DGKI: variants seen among roughly 807,000 people sequenced by gnomAD.
DGKI encodes DAG kinase iota.
Under a neutral mutation model 147.5 loss-of-function variants are expected in DGKI, and 55 were observed. The ratio of observed to expected loss-of-function variants is 0.37; its 90% confidence interval spans 0.30 to 0.47. The LOEUF (loss-of-function observed/expected upper bound fraction) is 0.47, where lower values mean the gene tolerates loss of function less well. DGKI is among the 20% of genes least tolerant of loss of function. The probability of loss-of-function intolerance (pLI) is 1.00; values close to 1 mark genes in which losing one functional copy is unlikely to be tolerated. For synonymous variants in DGKI, 469 were observed against 477.1 expected (o/e 0.98, Z 0.22); for missense variants, 1,007 against 1,323.8 (o/e 0.76, Z 3.71).
chr7:137,413,842 C>T (rs1019709785), intron 28 of DGKI, among the ~76,000 whole-genome samples: 2 of 152,068 alleles, frequency 1.3e-5, no homozygotes, highest in Non-Finnish European at 2.9e-5. Context: ...GCTTTAAGTT[C>T]TTTGAGAAAT....
intron 27 of DGKI, among the ~76,000 whole-genome samples, chr7:137,459,845 T>C (rs1369614181): frequency 6.6e-6 from 1 of 152,170 alleles, no homozygotes; most frequent in Non-Finnish European, 1.5e-5. Context: ...ATTATCTTTA[T>C]CATTTTTCTC....
At chr7:137,645,150 G>A (rs1246735506) in intron 6 of DGKI, among the ~76,000 whole-genome samples, 1 of 152,186 alleles carries the variant, frequency 6.6e-6, no homozygotes, top group Admixed American at 6.5e-5. Flanking sequence ...TGCTGCGATT[G>A]GCCAAAGTAC....
At chr7:137,678,793 C>T (rs888144801) in intron 2 of DGKI, 141 bp from the exon 3 acceptor site, 3 of 715,700 alleles carry the variant, frequency 4.2e-6, no homozygotes, top group Admixed American at 2.7e-5. Flanking sequence ...AAAAGTACTG[C>T]TAGAGTTGAT....
At chr7:137,584,748 C>A (rs1436647420) in intron 14 of DGKI, among the ~76,000 whole-genome samples, 1 of 152,138 alleles carries the variant, frequency 6.6e-6, no homozygotes, top group Non-Finnish European at 1.5e-5. Flanking sequence ...ATTGAGGTAT[C>A]TTCAAGTCCC....
At chr7:137,397,439 C>A in intron 30 of DGKI, 26 bp from the exon 31 acceptor site, 1 of 1,607,652 alleles carries the variant, frequency 6.2e-7, no homozygotes, top group Non-Finnish European at 8.5e-7. Context: ...GCAAGATGAC[C>A]GTCAAAAATA....
intron 4 of DGKI, among the ~76,000 whole-genome samples, chr7:137,656,180 G>T (rs1822213333): frequency 6.6e-6 from 1 of 152,254 alleles, no homozygotes; most frequent in African/African-American, 2.4e-5. Context: ...CTTGAACTGA[G>T]ATGATATAAT....
chr7:137,717,958 A>G (rs1794430946), intron 1 of DGKI, among the ~76,000 whole-genome samples: 1 of 152,196 alleles, frequency 6.6e-6, no homozygotes, highest in South Asian at 2.1e-4. Context: ...AGGAGCTATC[A>G]TGAGACCTAT....
chr7:137,608,911 T>C, intron 10 of DGKI, 55 bp downstream of exon 10: 2 of 1,359,288 alleles, frequency 1.5e-6, no homozygotes, highest in Non-Finnish European at 2.1e-6. Flanking sequence ...GTGAGAGTTG[T>C]GTCGTCAAGA....
Position 137,384,035 on chromosome 7 carries a change from A to G in DGKI, c.*7185T>C, listed in dbSNP as rs766837252. ...TCTATGTATATGACTATGTATTATCATAACACTTAGCTTGCATACCCACCC... is the reference window on the plus strand; with the variant it reads ...TCTATGTATATGACTATGTATTATCGTAACACTTAGCTTGCATACCCACCC... On this transcript the variant is annotated 3_prime_UTR_variant, in exon 33 of 33. Transcript: ENST00000614521. 1 of 152,080 alleles carries G rather than the reference A, an allele frequency of 6.6e-6. No homozygotes were observed. Among genetic ancestry groups the G allele is most frequent in the Admixed American group, 6.6e-5 (1 of 15,232 alleles). 9.4% of individuals were successfully genotyped at this position (152,080 alleles called of 1,614,324 possible).
At chr7:137,604,367 TA>T (rs1820098881) in intron 10 of DGKI, among the ~76,000 whole-genome samples, 1 of 152,216 alleles carries the variant, frequency 6.6e-6, no homozygotes, top group Non-Finnish European at 1.5e-5. Flanking sequence ...TCCAATTATT[TA>T]GAAACAGTTT....
intron 1 of DGKI, among the ~76,000 whole-genome samples, chr7:137,798,566 T>A (rs1041493319): frequency 6.6e-6 from 1 of 152,076 alleles, no homozygotes; most frequent in Non-Finnish European, 1.5e-5. Context: ...GCCACAGGTG[T>A]GCACCATCAC....
At chr7:137,638,525 TACACAC>T (rs758902149) in intron 6 of DGKI, among the ~76,000 whole-genome samples, 5 of 105,684 alleles carry the variant, frequency 4.7e-5, no homozygotes, top group East Asian at 3.1e-4. Context: ...TGTATATATA[TACACAC>T]ACATATATGT....
intron 7 of DGKI, among the ~76,000 whole-genome samples, chr7:137,621,680 G>A (rs1266007840): frequency 6.6e-6 from 1 of 152,246 alleles, no homozygotes; most frequent in African/African-American, 2.4e-5. Flanking sequence ...ACTGACCAAA[G>A]CTCTACCACA....
chr7:137,774,644 G>A (rs759437725), intron 1 of DGKI: 5 of 152,140 alleles, frequency 3.3e-5, no homozygotes, highest in Non-Finnish European at 7.3e-5. Flanking sequence ...CACATTCTGA[G>A]TTGCTAGTAG....
intron 2 of DGKI, among the ~76,000 whole-genome samples, chr7:137,683,780 CT>C (rs1330276758): frequency 6.6e-6 from 1 of 152,084 alleles, no homozygotes; most frequent in Admixed American, 6.5e-5. Flanking sequence ...ACTCACAAGT[CT>C]GTATAGCTAT....
In DGKI at chr7:137,564,950, T is replaced by C. The variant is rs563698974; in HGVS notation, c.1947+6225A>G. 3.9e-5 allele frequency among the ~76,000 whole-genome samples: 6 copies of C among 152,342 alleles called. No homozygotes were observed. The South Asian group carries it at 1.2e-3, about 32-fold the overall frequency. ...GGCCCCAGGAACTCTGTCTACTAAA[T>C]CACTTCTCATCCAGGAACTCTATAT... is the stretch of plus-strand genomic sequence containing the variant. On this transcript the variant is annotated intron_variant, in intron 19 of 32. Transcript: ENST00000614521.
rs569257612 is a variant in DGKI at position 137,531,792 on chromosome 7, G to A, written c.2148-9826C>T. On this transcript the variant is annotated intron_variant, in intron 20 of 32. Transcript: ENST00000614521. ...GTGTGGATGAAGTGTTATGATTTGC[G>A]TATTTTAAAAATGTCATTTCACAGA... 3.0e-4 allele frequency among the ~76,000 whole-genome samples: 46 copies of A among 152,240 alleles called. 1 individual carries two copies. Among genetic ancestry groups the A allele is most frequent in the African/African-American group, 1.0e-3 (43 of 41,548 alleles).
At chr7:137,479,130 T>C (rs1436672452) in intron 23 of DGKI, among the ~76,000 whole-genome samples, 2 of 152,202 alleles carry the variant, frequency 1.3e-5, no homozygotes, top group Admixed American at 1.3e-4. Context: ...CTTGCCCATT[T>C]TGGATCTGTG....
intron 31 of DGKI, chr7:137,396,095 GT>G (rs1811541382): frequency 6.0e-6 from 1 of 165,548 alleles, no homozygotes. Flanking sequence ...ACAGGGAGCA[GT>G]GTGGAGCGCC....
Sources: gnomAD v4.1 joint callset for allele counts (sites outside exome capture counted in the v4.1 genomes callset) on GRCh38, gnomAD v4.1.1 for gene constraint, MANE v1.5 for transcripts, NCBI Gene and HGNC (gene_info 2026-07-23, HGNC 2026-07-21) for gene names.